The following ABCB1 variants were observed in gnomAD, a reference collection of about 807,000 sequenced individuals.
The protein encoded by ABCB1 is ATP binding cassette subfamily B member 1.
In ABCB1, 69 loss-of-function variants were observed where a neutral mutation model predicts 142.0. The ratio of observed to expected loss-of-function variants is 0.49; its 90% confidence interval spans 0.40 to 0.59. ABCB1 has a LOEUF of 0.59. Ranked by LOEUF, ABCB1 falls within the 20% of genes least tolerant of loss-of-function variation. The pLI, the probability that ABCB1 is intolerant of heterozygous loss-of-function variation, is 0.00. For synonymous variants in ABCB1, 532 were observed against 539.2 expected, an observed-to-expected ratio of 0.99 and a Z score of 0.18; for missense variants, 1,326 against 1,554.7, an observed-to-expected ratio of 0.85 and a Z score of 2.47.
rs199585328 is a variant in ABCB1, at chr7:87,519,470, A to C, written c.2787-4T>G. On this transcript the variant is annotated splice_region_variant and splice_polypyrimidine_tract_variant and intron_variant, in intron 22 of 27. Coordinates refer to ENST00000622132, the MANE Select transcript of ABCB1 (RefSeq NM_001348946.2). ...GTGTGCTTTCCTCAAAGAGTTTCTG[A>C]AAAGAAGACATTTGAAAACTCATTC... The C allele has an allele frequency of 1.5e-5, 25 of 1,613,998 alleles. No individual in the cohort carries two copies. Among genetic ancestry groups the C allele is most frequent in the Non-Finnish European group, 2.1e-5 (25 of 1,179,928 alleles).
intron 1 of ABCB1, among the ~76,000 whole-genome samples, chr7:87,669,770 TTTTC>T (rs1218457055): frequency 6.6e-6 from 1 of 152,222 alleles, no homozygotes; most frequent in African/African-American, 2.4e-5. Flanking sequence ...TTGAAGATTT[TTTTC>T]TTTAAGAATG....
At chr7:87,557,857 T>C (rs570861297) in intron 8 of ABCB1, among the ~76,000 whole-genome samples, 1 of 152,320 alleles carries the variant, frequency 6.6e-6, no homozygotes, top group East Asian at 1.9e-4. Context: ...ATATTGTCAG[T>C]TCCTCAAATT....
chr7:87,654,271 C>T (rs1347751060), intron 1 of ABCB1, among the ~76,000 whole-genome samples: 2 of 151,840 alleles, frequency 1.3e-5, no homozygotes, highest in African/African-American at 2.4e-5. Flanking sequence ...AGACCCTGAC[C>T]AAAGCAATCT....
At chr7:87,710,667 C>T (rs1829992921) in intron 1 of ABCB1, 2 of 1,448,268 alleles carry the variant, frequency 1.4e-6, no homozygotes, top group African/African-American at 1.4e-5. Context: ...TTTAAAAGTC[C>T]TTTTAATTTT....
intron 27 of ABCB1, among the ~76,000 whole-genome samples, chr7:87,504,666 T>C (rs546642204): frequency 2.0e-5 from 3 of 151,782 alleles, no homozygotes; most frequent in Admixed American, 2.0e-4. Flanking sequence ...TTAGCTGGGC[T>C]TGGTGGTGGG....
intron 2 of ABCB1, among the ~76,000 whole-genome samples, chr7:87,596,526 T>C (rs568978446): frequency 6.6e-6 from 1 of 152,226 alleles, no homozygotes; most frequent in East Asian, 1.9e-4. Flanking sequence ...AATCTAACTC[T>C]GTAGCCCATT....
rs540779426 is a variant in ABCB1 at position 87,598,569 on chromosome 7, T to G, written c.68+1548A>C. Among the ~76,000 whole-genome samples the G allele has an allele frequency of 2.6e-5, 4 of 152,340 alleles. No individual in the cohort carries two copies. In the East Asian group the frequency reaches 7.7e-4, roughly 29 times the overall value. On this transcript the variant is annotated intron_variant, in intron 2 of 27. Transcript: ENST00000622132. ...ATAGTTTAGAGTTCATTGACAATCCTTGCCTGAATCTATTATAACAATGGA... is the reference window on the plus strand; with the variant it reads ...ATAGTTTAGAGTTCATTGACAATCCGTGCCTGAATCTATTATAACAATGGA...
intron 4 of ABCB1, among the ~76,000 whole-genome samples, chr7:87,580,110 G>A (rs1818448125): frequency 6.6e-6 from 1 of 152,052 alleles, no homozygotes; most frequent in East Asian, 1.9e-4. Context: ...GTAATATTCT[G>A]TGTTTTTCTG....
chr7:87,705,836 C>T (rs1299397550), intron 1 of ABCB1, among the ~76,000 whole-genome samples: 4 of 152,094 alleles, frequency 2.6e-5, no homozygotes, highest in Admixed American at 2.6e-4. Flanking sequence ...CTTTAGTTAC[C>T]ACTGTTACTA....
intron 20 of ABCB1, among the ~76,000 whole-genome samples, chr7:87,532,988 T>C (rs1358231199): frequency 1.3e-5 from 2 of 152,084 alleles, no homozygotes; most frequent in Admixed American, 6.5e-5. Context: ...ATCAGTAGCC[T>C]TTAAATACAT....
At chr7:87,699,617 G>C (rs1698242582) in intron 1 of ABCB1, among the ~76,000 whole-genome samples, 1 of 152,196 alleles carries the variant, frequency 6.6e-6, no homozygotes, top group African/African-American at 2.4e-5. Context: ...TGTTGGCCAG[G>C]CTGGCCTCGA....
chr7:87,533,834 A>G (rs1816167421), intron 20 of ABCB1, among the ~76,000 whole-genome samples: 3 of 152,192 alleles, frequency 2.0e-5, no homozygotes, highest in Admixed American at 6.5e-5. Context: ...TAGGTTGACA[A>G]TGTTTGCCAA....
At chr7:87,688,532 CTATT>C (rs956218280) in intron 1 of ABCB1, among the ~76,000 whole-genome samples, 5 of 151,522 alleles carry the variant, frequency 3.3e-5, no homozygotes, top group Non-Finnish European at 7.4e-5. Flanking sequence ...AGGAAAAAAA[CTATT>C]TATTATGTGG....
intron 1 of ABCB1, among the ~76,000 whole-genome samples, chr7:87,654,894 A>G (rs1823934467): frequency 6.6e-6 from 1 of 152,144 alleles, no homozygotes; most frequent in African/African-American, 2.4e-5. Context: ...CTGAATAGAC[A>G]TTCTCAAATA....
chr7:87,589,966 A>G (rs1818930865), intron 3 of ABCB1, among the ~76,000 whole-genome samples: 1 of 152,136 alleles, frequency 6.6e-6, no homozygotes, highest in Non-Finnish European at 1.5e-5. Flanking sequence ...AATGCCAAAG[A>G]CTGGGCTTCC....
intron 4 of ABCB1, among the ~76,000 whole-genome samples, chr7:87,575,881 A>T (rs79890199): frequency 0.015 from 2,260 of 152,226 alleles, 66 homozygotes; most frequent in African/African-American, 0.051. Flanking sequence ...TTTGCTTCCA[A>T]TTTAGGCAGA....
intron 1 of ABCB1, among the ~76,000 whole-genome samples, chr7:87,679,127 C>T (rs1231246275): frequency 8.7e-6 from 1 of 115,332 alleles, no homozygotes; most frequent in East Asian, 2.8e-4. Context: ...GAGTCCCGCT[C>T]TTTCCCCCAG....
At chr7:87,709,298 T>C (rs77505893) in intron 1 of ABCB1, 36,696 of 985,112 alleles carry the variant, frequency 0.037, 743 homozygotes, top group Middle Eastern at 0.045. Flanking sequence ...ATTGGTGAAA[T>C]TGTAGCCTTT....
chr7:87,629,703 G>C (rs914640413), intron 1 of ABCB1, among the ~76,000 whole-genome samples: 5 of 151,960 alleles, frequency 3.3e-5, no homozygotes, highest in Non-Finnish European at 7.4e-5. Flanking sequence ...TGAGGCGGGC[G>C]GATCACGAGG....
Sources: gnomAD v4.1 joint callset for allele counts (sites outside exome capture counted in the v4.1 genomes callset) on GRCh38, gnomAD v4.1.1 for gene constraint, MANE v1.5 for transcripts, NCBI Gene and HGNC (gene_info 2026-07-23, HGNC 2026-07-21) for gene names.